Variants in MAF observed in about 807,000 individuals in gnomAD.
MAF encodes MAF bZIP transcription factor.
MAF carries 10 observed loss-of-function variants against 22.0 expected under a neutral mutation model. That is an observed-to-expected ratio of 0.45 (90% CI 0.28 to 0.77). MAF has a LOEUF of 0.77. Among genes scored for constraint, MAF ranks in the 30% least tolerant of loss-of-function variants. The probability of loss-of-function intolerance (pLI) is 0.12; values close to 1 mark genes in which losing one functional copy is unlikely to be tolerated. For missense variants in MAF, 544 were observed against 548.4 expected (o/e 0.99, Z 0.08); for synonymous variants, 337 against 255.8 (o/e 1.32, Z -3.03).
chr16:79,309,769 T>C, the MAF span, among the ~76,000 whole-genome samples: 7 of 152,210 alleles, frequency 4.6e-5, no homozygotes, highest in Non-Finnish European at 1.0e-4. Flanking sequence ...AGGCATGTGA[T>C]GCAGATGGCT....
chr16:79,250,057 T>C, the MAF span, among the ~76,000 whole-genome samples: 1 of 152,242 alleles, frequency 6.6e-6, no homozygotes, highest in African/African-American at 2.4e-5. Flanking sequence ...ATTATTTTAT[T>C]TTGAATCTGA....
At chr16:79,459,263 G>C in the MAF span, among the ~76,000 whole-genome samples, 1 of 152,082 alleles carries the variant, frequency 6.6e-6, no homozygotes, top group Non-Finnish European at 1.5e-5. Flanking sequence ...AAAGATACAA[G>C]AATCCTGATT....
intron 1 of MAF, among the ~76,000 whole-genome samples, chr16:79,588,182 G>A (rs904814556): frequency 2.0e-5 from 3 of 152,222 alleles, no homozygotes; most frequent in Non-Finnish European, 2.9e-5. Flanking sequence ...GCACAGTGCA[G>A]TAAATTTACA....
chr16:79,359,057 G>A, the MAF span, among the ~76,000 whole-genome samples: 7,710 of 152,234 alleles, frequency 0.051, 452 homozygotes, highest in African/African-American at 0.14. Flanking sequence ...GACAACAAAG[G>A]AGCCAGTGCC....
At chr16:79,423,608 A>T in the MAF span, among the ~76,000 whole-genome samples, 2 of 152,204 alleles carry the variant, frequency 1.3e-5, no homozygotes, top group Non-Finnish European at 2.9e-5. Flanking sequence ...ATAGCTGTTT[A>T]GTGTTATAAT....
chr16:79,544,652 T>G, the MAF span, among the ~76,000 whole-genome samples: 1 of 151,162 alleles, frequency 6.6e-6, no homozygotes, highest in African/African-American at 2.4e-5. Flanking sequence ...CAGGTACCTG[T>G]AGTCCCAGCT....
chr16:79,362,848 T>G, the MAF span, among the ~76,000 whole-genome samples: 2 of 152,252 alleles, frequency 1.3e-5, no homozygotes, highest in Non-Finnish European at 2.9e-5. Context: ...CAAAAGAGAA[T>G]AGTAAGAAAG....
chr16:79,524,916 A>T, the MAF span, among the ~76,000 whole-genome samples: 5 of 152,196 alleles, frequency 3.3e-5, no homozygotes, highest in Non-Finnish European at 7.3e-5. Flanking sequence ...ACGCACACAG[A>T]TACAGCCACG....
the MAF span, among the ~76,000 whole-genome samples, chr16:79,363,252 A>G: frequency 6.6e-6 from 1 of 152,206 alleles, no homozygotes; most frequent in Non-Finnish European, 1.5e-5. Context: ...TGTGGAGGAG[A>G]TATATTAAAA....
chr16:79,478,500 G>C, the MAF span, among the ~76,000 whole-genome samples: 18 of 152,202 alleles, frequency 1.2e-4, no homozygotes, highest in South Asian at 3.7e-3. Context: ...ACTAGCAGTG[G>C]GATAGGTCTT....
the MAF span, among the ~76,000 whole-genome samples, chr16:79,489,219 A>G: frequency 1.3e-5 from 2 of 151,916 alleles, no homozygotes; most frequent in Non-Finnish European, 2.9e-5. Flanking sequence ...CTATCTATCC[A>G]TCCATTTGCC....
the MAF span, among the ~76,000 whole-genome samples, chr16:79,434,572 G>A: frequency 6.6e-6 from 1 of 151,800 alleles, no homozygotes; most frequent in Non-Finnish European, 1.5e-5. Flanking sequence ...TATATCATAT[G>A]TTATGTTATA....
the MAF span, among the ~76,000 whole-genome samples, chr16:79,530,001 G>C: frequency 1.3e-5 from 2 of 151,896 alleles, no homozygotes; most frequent in African/African-American, 4.8e-5. Flanking sequence ...ATTTTCAATA[G>C]AGGATGATGC....
chr16:79,493,911 T>G, the MAF span, among the ~76,000 whole-genome samples: 1 of 152,004 alleles, frequency 6.6e-6, no homozygotes, highest in East Asian at 1.9e-4. Flanking sequence ...GAACTGGTTT[T>G]TTTTTTTTTT....
intron 1 of MAF, 107 bp from the exon 2 acceptor site, chr16:79,594,660 G>C (rs547816837): frequency 3.9e-6 from 6 of 1,520,476 alleles, no homozygotes; most frequent in East Asian, 2.5e-5. Flanking sequence ...TTTAAATTTA[G>C]AGACTTATTG....
At chr16:79,277,360 A>G in the MAF span, among the ~76,000 whole-genome samples, 1 of 152,208 alleles carries the variant, frequency 6.6e-6, no homozygotes, top group Non-Finnish European at 1.5e-5. Context: ...CATGTTTGAC[A>G]TTTATGGAGC....
the MAF span, among the ~76,000 whole-genome samples, chr16:79,516,977 G>A: frequency 6.6e-6 from 1 of 152,172 alleles, no homozygotes; most frequent in African/African-American, 2.4e-5. Context: ...TTCTAAGGCA[G>A]TTTCCACACT....
At chr16:79,253,136 C>T in the MAF span, among the ~76,000 whole-genome samples, 1 of 152,270 alleles carries the variant, frequency 6.6e-6, no homozygotes, top group South Asian at 2.1e-4. Flanking sequence ...CCCTTCTTGA[C>T]CTTCAAATAG....
chr16:79,419,573 C>T, the MAF span, among the ~76,000 whole-genome samples: 1 of 152,126 alleles, frequency 6.6e-6, no homozygotes, highest in African/African-American at 2.4e-5. Flanking sequence ...TAGGATGTTC[C>T]ACCTCTTATC....
Sources: allele counts gnomAD v4.1 joint callset (sites outside exome capture counted in the v4.1 genomes callset), GRCh38; gene constraint gnomAD v4.1.1; transcripts MANE v1.5; gene names NCBI Gene and HGNC (gene_info 2026-07-23, HGNC 2026-07-21).